Variants in SCN8A observed in about 807,000 individuals in gnomAD.
The protein encoded by SCN8A is sodium channel protein type 8 subunit alpha.
A neutral mutation model predicts 184.1 loss-of-function variants in SCN8A; 30 were observed. That is an observed-to-expected ratio of 0.16 (90% CI 0.12 to 0.22). The LOEUF (loss-of-function observed/expected upper bound fraction) is 0.22. Among genes scored for constraint, SCN8A ranks in the 10% least tolerant of loss-of-function variants. The pLI is 1.00. For synonymous variants in SCN8A, 852 were observed against 907.0 expected, an observed-to-expected ratio of 0.94 and a Z score of 1.09; for missense variants, 1,057 against 2,498.9, an observed-to-expected ratio of 0.42 and a Z score of 12.30.
chr12:51,780,784 GA>G lies in SCN8A; in HGVS notation c.3942+14del, dbSNP rs762428491. 12 of 1,572,370 alleles carry G rather than the reference GA, an allele frequency of 7.6e-6. No individual in the cohort carries two copies. The highest frequency in any genetic ancestry group is 2.0e-5 in the Admixed American group (1 of 49,058). ...TGAAGGGATGAGGGTAAGATACTAA[GA>G]GCAGCTGATCCTTCTGCATGCCAGT... On this transcript the variant is annotated intron_variant, in intron 21 of 26. Transcript: ENST00000627620.
At chr12:51,766,335 T>C in intron 16 of SCN8A, 1 of 410,656 alleles carries the variant, frequency 2.4e-6, no homozygotes, top group Non-Finnish European at 4.5e-6. Context: ...GACTTTAAAG[T>C]CTGTGCCCGT....
intron 12 of SCN8A, among the ~76,000 whole-genome samples, chr12:51,725,843 A>G (rs998589317): frequency 3.1e-4 from 47 of 152,230 alleles, no homozygotes; most frequent in Non-Finnish European, 1.8e-4. Flanking sequence ...TCTTGGGGCT[A>G]GGATTTAGTG....
chr12:51,768,360 G>T (rs945560537), intron 16 of SCN8A, among the ~76,000 whole-genome samples: 2 of 138,274 alleles, frequency 1.4e-5, no homozygotes, highest in Admixed American at 1.5e-4. Flanking sequence ...AACAAAATTT[G>T]TTCTTAAAAT....
rs891402534 is a variant in SCN8A, at chr12:51,703,024, G to A, written c.1134+110G>A. ...TGAAGACATTATACAAGATCTAACT[G>A]TTGTGTTTCCCACAGTCAGCTGGTT... is the stretch of plus-strand genomic sequence containing the variant. On this transcript the variant is annotated intron_variant, in intron 9 of 26. Transcript: ENST00000627620. 8 of 1,055,086 alleles carry A rather than the reference G, an allele frequency of 7.6e-6. No homozygotes were observed. In the African/African-American group the frequency reaches 1.3e-4, roughly 17 times the overall value. 65.4% of individuals were successfully genotyped at this position (1,055,086 alleles called of 1,614,324 possible). A position where few individuals can be genotyped will look rare whatever the true frequency, so the allele number is the denominator to read the frequency against.
chr12:51,701,760 A>G (rs1941693793), intron 8 of SCN8A, among the ~76,000 whole-genome samples: 1 of 152,150 alleles, frequency 6.6e-6, no homozygotes, highest in Non-Finnish European at 1.5e-5. Flanking sequence ...GGATCCACTT[A>G]CATTACATGA....
chr12:51,686,551 A>C, intron 4 of SCN8A, 94 bp downstream of exon 4: 1 of 800,700 alleles, frequency 1.2e-6, no homozygotes, highest in South Asian at 1.6e-5. Context: ...AGGAGAAAAA[A>C]AATTAGTTAT....
chr12:51,704,386 C>G (rs1366087678), intron 9 of SCN8A, among the ~76,000 whole-genome samples: 1 of 151,840 alleles, frequency 6.6e-6, no homozygotes, highest in Non-Finnish European at 1.5e-5. Context: ...TGGGGATTTC[C>G]TGGCCGGACA....
chr12:51,614,819 CTCT>C (rs1028763886), intron 1 of SCN8A, among the ~76,000 whole-genome samples: 7 of 143,866 alleles, frequency 4.9e-5, no homozygotes, highest in South Asian at 4.3e-4. Flanking sequence ...CTGACAACCT[CTCT>C]TCTTCTTATT....
At chr12:51,791,367 G>A (rs997275851) in intron 25 of SCN8A, among the ~76,000 whole-genome samples, 2 of 152,094 alleles carry the variant, frequency 1.3e-5, no homozygotes, top group South Asian at 2.1e-4. Context: ...TACATCTACC[G>A]CATCAACTTT....
chr12:51,712,666 A>G (rs1941898707), intron 11 of SCN8A: 1 of 821,844 alleles, frequency 1.2e-6, no homozygotes, highest in Non-Finnish European at 2.1e-6. Context: ...CTTCATTGTA[A>G]CCATCATATC....
chr12:51,773,363 G>A (rs1942959152), intron 19 of SCN8A, among the ~76,000 whole-genome samples: 1 of 152,164 alleles, frequency 6.6e-6, no homozygotes, highest in Admixed American at 6.5e-5. Flanking sequence ...CACCATATAA[G>A]GGATTATCCC....
Position 51,675,935 on chromosome 12 carries a change from A to T in SCN8A, c.277-8239A>T, listed in dbSNP as rs143962698. 3.2e-3 allele frequency among the ~76,000 whole-genome samples: 480 copies of T among 152,342 alleles called. 4 individuals carry two copies. The highest frequency in any genetic ancestry group is 0.011 in the African/African-American group (454 of 41,578). On this transcript the variant is annotated intron_variant, in intron 2 of 26. Coordinates refer to ENST00000627620, the MANE Select transcript of SCN8A (RefSeq NM_001330260.2). ...TATCTTAGTAGGGTGCCTGCCTGCCACATAGTAAATGCTTAATAAATATTG... is the reference window on the plus strand; with the variant it reads ...TATCTTAGTAGGGTGCCTGCCTGCCTCATAGTAAATGCTTAATAAATATTG...
chr12:51,798,974 C>G (rs1367582104), intron 26 of SCN8A, among the ~76,000 whole-genome samples: 1 of 152,220 alleles, frequency 6.6e-6, no homozygotes, highest in East Asian at 1.9e-4. Context: ...GTGCACTGCT[C>G]GAAGTTCTGC....
intron 5 of SCN8A, among the ~76,000 whole-genome samples, chr12:51,687,817 G>A (rs148158381): frequency 3.7e-4 from 56 of 152,308 alleles, no homozygotes; most frequent in African/African-American, 1.2e-3. Flanking sequence ...CAATAAAAAT[G>A]TATCTTTGGG....
chr12:51,638,429 G>T (rs935842702), intron 1 of SCN8A, among the ~76,000 whole-genome samples: 3 of 151,666 alleles, frequency 2.0e-5, no homozygotes, highest in Non-Finnish European at 4.4e-5. Context: ...AAGAATATCT[G>T]TCATCTGTGA....
intron 21 of SCN8A, among the ~76,000 whole-genome samples, chr12:51,784,044 AATTC>A (rs1938005998): frequency 6.6e-6 from 1 of 152,244 alleles, no homozygotes; most frequent in Non-Finnish European, 1.5e-5. Flanking sequence ...GAGAGGATCA[AATTC>A]ATTAAGTGAC....
chr12:51,762,365 G>C lies in SCN8A; in HGVS notation c.2371-138G>C. On this transcript the variant is annotated intron_variant, in intron 14 of 26. Transcript: ENST00000627620. ...AGGTGGGGTGCTCATGAGACATCCA[G>C]GTATTGATATCTTCAGATGCAGAAT... 4 of 777,052 alleles carry C rather than the reference G, an allele frequency of 5.1e-6. No homozygotes were observed. The South Asian group carries it at 5.5e-5, about 11-fold the overall frequency. The allele number at this position is 777,052 out of a possible 1,614,324, so 48.1% of individuals were successfully genotyped here. A position where few individuals can be genotyped will look rare whatever the true frequency, so the allele number is the denominator to read the frequency against.
At chr12:51,799,407 G>A (rs933075307) in intron 26 of SCN8A, among the ~76,000 whole-genome samples, 5 of 152,174 alleles carry the variant, frequency 3.3e-5, no homozygotes, top group African/African-American at 7.2e-5. Flanking sequence ...ATGGTCAAAC[G>A]TTCAGTTTCC....
intron 2 of SCN8A, among the ~76,000 whole-genome samples, chr12:51,670,621 G>A (rs1343843504): frequency 1.3e-5 from 2 of 152,174 alleles, no homozygotes; most frequent in East Asian, 1.9e-4. Context: ...GTAAGGATAC[G>A]TGATGATAGC....
Sources: allele counts gnomAD v4.1 joint callset (sites outside exome capture counted in the v4.1 genomes callset), GRCh38; gene constraint gnomAD v4.1.1; transcripts MANE v1.5; gene names NCBI Gene and HGNC (gene_info 2026-07-23, HGNC 2026-07-21).